ABLIM3: variants seen among roughly 807,000 people sequenced by gnomAD.
The protein encoded by ABLIM3 is actin binding LIM protein family member 3.
Under a neutral mutation model 109.5 loss-of-function variants are expected in ABLIM3, and 61 were observed. The ratio of observed to expected loss-of-function variants is 0.56; its 90% CI spans 0.45 to 0.69. ABLIM3 has a LOEUF of 0.69. Ranked by LOEUF, ABLIM3 falls within the 30% of genes least tolerant of loss-of-function variation. The pLI is 0.00. For synonymous variants in ABLIM3, 300 were observed against 324.8 expected (o/e 0.92, Z 0.82); for missense variants, 796 against 889.5 (o/e 0.89, Z 1.34).
At position 149,188,990 on chromosome 5, in the gene ABLIM3, T is replaced by C. The variant is rs1301621469; in HGVS notation, c.151+5401T>C. Among the ~76,000 whole-genome samples, 3 of 152,072 alleles carry C rather than the reference T, an allele frequency of 2.0e-5. No individual in the cohort carries two copies. The East Asian group carries it at 5.8e-4, about 29-fold the overall frequency. ...TGCTACAAGGCTATAATAAACAAGATAGGGTGGTACTAGCACAAGGATAGG... is the reference window on the plus strand; with the variant it reads ...TGCTACAAGGCTATAATAAACAAGACAGGGTGGTACTAGCACAAGGATAGG... On this transcript the variant is annotated intron_variant, in intron 3 of 23. Transcript: ENST00000309868.
intron 2 of ABLIM3, among the ~76,000 whole-genome samples, chr5:149,159,876 G>A (rs980686054): frequency 2.0e-5 from 3 of 152,082 alleles, no homozygotes; most frequent in African/African-American, 7.2e-5. Context: ...CTAGCCTCTG[G>A]ACCCTTCCTT....
chr5:149,239,229 C>T lies in ABLIM3; in HGVS notation c.1045-19C>T. ...CTTCTGCTCGTTCCACAACTGCCTT[C>T]AAACTCTTCACTTCTAAGTCGCTGG... On this transcript the variant is annotated intron_variant, in intron 11 of 23. Coordinates refer to ENST00000309868, the MANE Select transcript of ABLIM3 (RefSeq NM_014945.5). 1 of 1,613,942 alleles carries T rather than the reference C, an allele frequency of 6.2e-7. No individual in the cohort carries two copies. Among genetic ancestry groups the T allele is most frequent in the Non-Finnish European group, 8.5e-7 (1 of 1,179,824 alleles).
intron 3 of ABLIM3, among the ~76,000 whole-genome samples, chr5:149,197,953 C>T (rs1758129232): frequency 6.6e-6 from 1 of 152,182 alleles, no homozygotes; most frequent in South Asian, 2.1e-4. Flanking sequence ...TTATAAGAAG[C>T]TCTCGGGGTG....
intron 2 of ABLIM3, among the ~76,000 whole-genome samples, chr5:149,163,449 A>G (rs963160338): frequency 6.6e-6 from 1 of 152,158 alleles, no homozygotes; most frequent in Non-Finnish European, 1.5e-5. Context: ...GGGGTGGCTT[A>G]AACAATAGGA....
At chr5:149,189,241 A>G (rs186692928) in intron 3 of ABLIM3, among the ~76,000 whole-genome samples, 29 of 152,314 alleles carry the variant, frequency 1.9e-4, no homozygotes, top group Middle Eastern at 3.4e-3. Flanking sequence ...AGAAGGTAAA[A>G]TTGAGAAACT....
chr5:149,145,093 T>C (rs1752796488), intron 2 of ABLIM3, among the ~76,000 whole-genome samples: 1 of 152,252 alleles, frequency 6.6e-6, no homozygotes, highest in African/African-American at 2.4e-5. Context: ...ATGACCCAGG[T>C]ACTGAGCATA....
At chr5:149,223,145 A>T (rs949119644) in intron 8 of ABLIM3, among the ~76,000 whole-genome samples, 1 of 151,956 alleles carries the variant, frequency 6.6e-6, no homozygotes, top group East Asian at 1.9e-4. Flanking sequence ...TTTAGATTTT[A>T]AGGGTTACCA....
At position 149,259,225 on chromosome 5, in the gene ABLIM3, A is replaced by G; in HGVS notation, c.*821A>G. On this transcript the variant is annotated 3_prime_UTR_variant, in exon 24 of 24. Coordinates refer to ENST00000309868, the MANE Select transcript of ABLIM3 (RefSeq NM_014945.5). ...AATCAGAGCTGCAGGATTTCTTGGG[A>G]CCCTCCTCTCTCCCTCACTGCTCCC... is the stretch of plus-strand genomic sequence containing the variant. 2 of 1,172,966 alleles carry G rather than the reference A, an allele frequency of 1.7e-6. No homozygotes were observed. Among genetic ancestry groups the G allele is most frequent in the Non-Finnish European group, 2.1e-6 (2 of 946,714 alleles). The allele number at this position is 1,172,966 out of a possible 1,614,324, so 72.7% of individuals were successfully genotyped here. A position where few individuals can be genotyped will look rare whatever the true frequency, so the allele number is the denominator to read the frequency against.
At chr5:149,193,448 T>C (rs1757683421) in intron 3 of ABLIM3, among the ~76,000 whole-genome samples, 1 of 151,800 alleles carries the variant, frequency 6.6e-6, no homozygotes, top group South Asian at 2.1e-4. Flanking sequence ...TTATAGAATA[T>C]CATAAGAAAG....
At chr5:149,212,311 G>A (rs1024159156) in intron 7 of ABLIM3, among the ~76,000 whole-genome samples, 3 of 152,210 alleles carry the variant, frequency 2.0e-5, no homozygotes, top group Non-Finnish European at 2.9e-5. Flanking sequence ...CAAGGCATGA[G>A]TCCAGGAAGG....
chr5:149,168,074 A>G (rs568486947), intron 2 of ABLIM3, among the ~76,000 whole-genome samples: 1 of 152,282 alleles, frequency 6.6e-6, no homozygotes, highest in Non-Finnish European at 1.5e-5. Context: ...CACACACACC[A>G]TTTGTGACAA....
intron 8 of ABLIM3, among the ~76,000 whole-genome samples, chr5:149,230,184 T>C (rs1223992943): frequency 1.3e-5 from 2 of 152,166 alleles, no homozygotes; most frequent in Admixed American, 6.5e-5. Context: ...CCCACAAACA[T>C]GTACGGATCT....
At chr5:149,175,907 G>A (rs553837951) in intron 2 of ABLIM3, among the ~76,000 whole-genome samples, 1 of 152,286 alleles carries the variant, frequency 6.6e-6, no homozygotes, top group African/African-American at 2.4e-5. Flanking sequence ...AGCACGAGCC[G>A]TGTTGCCAGC....
At chr5:149,245,921 G>A (rs1753306638) in intron 16 of ABLIM3, among the ~76,000 whole-genome samples, 1 of 152,230 alleles carries the variant, frequency 6.6e-6, no homozygotes, top group Admixed American at 6.5e-5. Flanking sequence ...CCAGCACTTT[G>A]GGAGGCCAAG....
intron 3 of ABLIM3, among the ~76,000 whole-genome samples, chr5:149,193,317 A>T (rs113008379): frequency 7.8e-4 from 118 of 152,196 alleles, no homozygotes; most frequent in Middle Eastern, 3.4e-3. Context: ...ATATAGAAAA[A>T]AATTGCATTT....
intron 6 of ABLIM3, among the ~76,000 whole-genome samples, chr5:149,207,881 T>A (rs1759155705): frequency 6.6e-6 from 1 of 152,256 alleles, no homozygotes; most frequent in Admixed American, 6.5e-5. Flanking sequence ...ACAAGTGTCC[T>A]CTTGTTGCTG....
At chr5:149,241,171 G>A (rs1752807025) in intron 14 of ABLIM3, among the ~76,000 whole-genome samples, 1 of 152,186 alleles carries the variant, frequency 6.6e-6, no homozygotes, top group African/African-American at 2.4e-5. Flanking sequence ...CCAGTTACTT[G>A]GCTTCCCAAG....
chr5:149,199,843 C>G (rs1758332437), intron 4 of ABLIM3, among the ~76,000 whole-genome samples: 1 of 152,166 alleles, frequency 6.6e-6, no homozygotes, highest in South Asian at 2.1e-4. Context: ...CTGAACAAAT[C>G]CAGATGAGGA....
intron 2 of ABLIM3, among the ~76,000 whole-genome samples, chr5:149,148,609 T>A (rs1015239733): frequency 6.6e-6 from 1 of 152,140 alleles, no homozygotes; most frequent in South Asian, 2.1e-4. Flanking sequence ...ATCGGCCGCA[T>A]CCCTACTCTG....
Sources: gnomAD v4.1 joint callset for allele counts (sites outside exome capture counted in the v4.1 genomes callset) on GRCh38, gnomAD v4.1.1 for gene constraint, MANE v1.5 for transcripts, NCBI Gene and HGNC (gene_info 2026-07-23, HGNC 2026-07-21) for gene names.